Variants in GRID2 observed in about 807,000 individuals in gnomAD.
The protein encoded by GRID2 is glutamate ionotropic receptor delta type subunit 2, also known as glutamate receptor ionotropic, delta-2.
Under a neutral mutation model 114.8 loss-of-function variants are expected in GRID2, and 33 were observed. The observed-to-expected ratio is 0.29, with a 90% CI of 0.22 to 0.38. GRID2 has a LOEUF of 0.38. Among genes scored for constraint, GRID2 ranks in the 10% least tolerant of loss-of-function variants. The pLI is 1.00. For synonymous variants in GRID2, 505 were observed against 449.9 expected (o/e 1.12, Z -1.55); for missense variants, 1,184 against 1,257.7 (o/e 0.94, Z 0.89).
At chr4:93,304,278 ATAAG>A (rs1448678921) in intron 8 of GRID2, among the ~76,000 whole-genome samples, 2 of 147,554 alleles carry the variant, frequency 1.4e-5, no homozygotes, top group Non-Finnish European at 3.0e-5. Flanking sequence ...ATATATATAT[ATAAG>A]AGAACCCACT....
chr4:92,462,257 C>T (rs1012068507), intron 1 of GRID2, among the ~76,000 whole-genome samples: 1 of 152,002 alleles, frequency 6.6e-6, no homozygotes. Flanking sequence ...ACTGTAGTTG[C>T]CTACGCATCA....
At chr4:93,366,510 C>T (rs1216567182) in intron 8 of GRID2, among the ~76,000 whole-genome samples, 2 of 152,084 alleles carry the variant, frequency 1.3e-5, no homozygotes, top group East Asian at 1.9e-4. Flanking sequence ...GTGCCTGAAA[C>T]TTCATTAGCA....
chr4:92,912,318 C>T (rs1748449161), intron 2 of GRID2, among the ~76,000 whole-genome samples: 1 of 151,686 alleles, frequency 6.6e-6, no homozygotes, highest in East Asian at 1.9e-4. Flanking sequence ...GCCCTCAAGT[C>T]TGAAAGTGAA....
intron 2 of GRID2, among the ~76,000 whole-genome samples, chr4:92,602,899 A>G (rs1579663891): frequency 6.6e-6 from 1 of 152,168 alleles, no homozygotes; most frequent in Admixed American, 6.6e-5. Context: ...AAGCATTTCT[A>G]TACACAAACA....
intron 2 of GRID2, among the ~76,000 whole-genome samples, chr4:92,618,565 C>A (rs377476584): frequency 9.9e-5 from 15 of 151,686 alleles, no homozygotes; most frequent in African/African-American, 3.6e-4. Flanking sequence ...ATAAGAGTTG[C>A]ATTGAATCTA....
intron 1 of GRID2, among the ~76,000 whole-genome samples, chr4:92,371,090 G>A (rs1729095420): frequency 6.6e-6 from 1 of 152,138 alleles, no homozygotes; most frequent in Non-Finnish European, 1.5e-5. Context: ...TCTGAAGTCT[G>A]AGAGAGATAA....
Position 92,958,810 on chromosome 4 carries a change from G to T in GRID2, c.245-126185G>T, listed in dbSNP as rs960859166. Among the ~76,000 whole-genome samples, 4 of 151,922 alleles carry T rather than the reference G, an allele frequency of 2.6e-5. 1 individual carries two copies. Among genetic ancestry groups the T allele is most frequent in the Admixed American group, 2.6e-4 (4 of 15,214 alleles). On this transcript the variant is annotated intron_variant, in intron 2 of 15. Coordinates refer to ENST00000282020, the MANE Select transcript of GRID2 (RefSeq NM_001510.4). Reference sequence around the variant, plus strand: ...AACCCATCTGGGCCTTGTACTTTCTGTTTGGAAAGTTATTCATTTTTGATT... The same window carrying T: ...AACCCATCTGGGCCTTGTACTTTCTTTTTGGAAAGTTATTCATTTTTGATT...
intron 6 of GRID2, among the ~76,000 whole-genome samples, chr4:93,223,943 A>G (rs1745182070): frequency 6.6e-6 from 1 of 152,144 alleles, no homozygotes. Flanking sequence ...GTTGTTTCAG[A>G]AGAAGAAAGT....
chr4:93,722,228 A>ATAT (rs1279220574), intron 14 of GRID2, among the ~76,000 whole-genome samples: 9 of 152,010 alleles, frequency 5.9e-5, no homozygotes, highest in African/African-American at 2.2e-4. Flanking sequence ...TAAGTTGTTA[A>ATAT]TATTATACTA....
chr4:93,191,317 A>C (rs1339496619), intron 4 of GRID2, among the ~76,000 whole-genome samples: 1 of 151,944 alleles, frequency 6.6e-6, no homozygotes, highest in Non-Finnish European at 1.5e-5. Flanking sequence ...GCTTCTTACT[A>C]CTCTGTATAT....
At chr4:93,573,318 G>A (rs1347050429) in intron 13 of GRID2, among the ~76,000 whole-genome samples, 1 of 152,128 alleles carries the variant, frequency 6.6e-6, no homozygotes, top group Admixed American at 6.5e-5. Context: ...TTTAAAACAA[G>A]AGACAGAAAA....
chr4:92,480,002 T>C (rs1417842840), intron 1 of GRID2, among the ~76,000 whole-genome samples: 1 of 152,138 alleles, frequency 6.6e-6, no homozygotes, highest in East Asian at 1.9e-4. Context: ...TAGCTTAAAA[T>C]TGTTTATTGC....
chr4:92,710,636 G>A (rs1212714111), intron 2 of GRID2, among the ~76,000 whole-genome samples: 1 of 152,116 alleles, frequency 6.6e-6, no homozygotes, highest in Non-Finnish European at 1.5e-5. Flanking sequence ...TATGTTTGAA[G>A]CCAATGTTTT....
intron 1 of GRID2, among the ~76,000 whole-genome samples, chr4:92,500,722 G>A (rs1051881392): frequency 3.3e-5 from 5 of 152,102 alleles, no homozygotes; most frequent in Admixed American, 2.0e-4. Context: ...GAAGCCAGGA[G>A]TAATCCTGCC....
chr4:92,499,663 A>C (rs1459407523), intron 1 of GRID2, among the ~76,000 whole-genome samples: 1 of 152,174 alleles, frequency 6.6e-6, no homozygotes. Flanking sequence ...CCCAAGCTGG[A>C]GTGCAATGGC....
chr4:92,507,185 G>T (rs112440306), intron 1 of GRID2, among the ~76,000 whole-genome samples: 1 of 151,856 alleles, frequency 6.6e-6, no homozygotes, highest in African/African-American at 2.4e-5. Context: ...TGAGGTTAAT[G>T]TTTTTGATAG....
intron 2 of GRID2, among the ~76,000 whole-genome samples, chr4:93,060,487 A>T (rs1727680406): frequency 6.6e-6 from 1 of 152,110 alleles, no homozygotes; most frequent in Non-Finnish European, 1.5e-5. Flanking sequence ...ACATATTTTA[A>T]ATGCTAGTAT....
At chr4:93,544,965 T>C (rs1170623890) in intron 13 of GRID2, among the ~76,000 whole-genome samples, 2 of 152,144 alleles carry the variant, frequency 1.3e-5, no homozygotes, top group Non-Finnish European at 2.9e-5. Flanking sequence ...ATTTTACATC[T>C]AAAATGATGC....
chr4:92,333,412 C>T (rs1726994911), intron 1 of GRID2, among the ~76,000 whole-genome samples: 1 of 152,166 alleles, frequency 6.6e-6, no homozygotes, highest in Non-Finnish European at 1.5e-5. Context: ...CTTAGTTTGC[C>T]TCTAAGATCT....
Sources: gnomAD v4.1 joint callset for allele counts (sites outside exome capture counted in the v4.1 genomes callset) on GRCh38, gnomAD v4.1.1 for gene constraint, MANE v1.5 for transcripts, NCBI Gene and HGNC (gene_info 2026-07-23, HGNC 2026-07-21) for gene names.